The following SMG1 variants were observed in gnomAD, a reference collection of about 807,000 sequenced individuals.
SMG1 encodes the protein serine/threonine-protein kinase SMG1.
In SMG1, 22 loss-of-function variants were observed where a neutral mutation model predicts 419.9. The observed-to-expected ratio is 0.05, with a 90% CI of 0.04 to 0.07. SMG1 has a LOEUF of 0.07. SMG1 is among the 10% of genes least tolerant of loss of function. The pLI, the probability that SMG1 is intolerant of heterozygous loss-of-function variation, is 1.00. For missense variants in SMG1, 3,185 were observed against 4,342.0 expected (o/e 0.73, Z 7.49); for synonymous variants, 1,538 against 1,553.5 (o/e 0.99, Z 0.23).
At chr16:18,916,333 G>C (rs1252044558) in intron 1 of SMG1, among the ~76,000 whole-genome samples, 1 of 151,238 alleles carries the variant, frequency 6.6e-6, no homozygotes, top group Non-Finnish European at 1.5e-5. Flanking sequence ...GGCTAACATA[G>C]TGAAACCCCG....
intron 27 of SMG1, 175 bp downstream of exon 27, chr16:18,859,381 C>T (rs2035089552): frequency 2.8e-6 from 2 of 715,192 alleles, no homozygotes; most frequent in Non-Finnish European, 4.5e-6. Context: ...TCATTTCAAC[C>T]TCAGTTTATG....
chr16:18,827,184 T>C (rs1236719566), intron 55 of SMG1, among the ~76,000 whole-genome samples: 2 of 152,038 alleles, frequency 1.3e-5, no homozygotes, highest in African/African-American at 4.8e-5. Context: ...CCCAGTGTTT[T>C]GGGAGGCCAA....
rs1596557012 is a variant in SMG1, at chr16:18,869,742, T to C, written c.2633+112A>G. The C allele has an allele frequency of 1.1e-5, 9 of 841,858 alleles. No homozygotes were observed. The East Asian group carries it at 2.3e-4, about 22-fold the overall frequency. The allele number at this position is 841,858 out of a possible 1,614,324, so 52.1% of individuals were successfully genotyped here. On this transcript the variant is annotated intron_variant, in intron 19 of 62. Transcript: ENST00000446231. ...TAAAATAACCCATATGAGAAGAATG[T>C]TACTTGATACTCTGCCACCCCCAAA...
intron 1 of SMG1, among the ~76,000 whole-genome samples, chr16:18,918,157 G>A (rs1025836133): frequency 2.0e-5 from 3 of 152,074 alleles, no homozygotes; most frequent in African/African-American, 7.2e-5. Context: ...GAGCTACTTG[G>A]GAGGCTGAGG....
chr16:18,848,052 A>G lies in SMG1; in HGVS notation c.5624-19T>C. 5 of 1,590,880 alleles carry G rather than the reference A, an allele frequency of 3.1e-6. No individual in the cohort carries two copies. Among genetic ancestry groups the G allele is most frequent in the Non-Finnish European group, 4.3e-6 (5 of 1,159,674 alleles). On this transcript the variant is annotated intron_variant, in intron 36 of 62. Transcript: ENST00000446231. ...TTATTTCCTGTAATGAAATAGGAGA[A>G]CAAGGAATATTTTGAACATTTCTCC...
intron 25 of SMG1, among the ~76,000 whole-genome samples, chr16:18,862,484 C>A (rs191277741): frequency 3.6e-4 from 55 of 152,274 alleles, no homozygotes; most frequent in Middle Eastern, 6.8e-3. Flanking sequence ...TCCTTAGTTC[C>A]AAATCCAATT....
In SMG1 at chr16:18,842,202, T is replaced by A. The variant is rs781639847; in HGVS notation, c.6466+6A>T. 8.3e-5 allele frequency: 133 copies of A among 1,609,740 alleles called. No homozygotes were observed. The highest frequency in any genetic ancestry group is 1.1e-4 in the Non-Finnish European group (130 of 1,177,738). On this transcript the variant is annotated splice_donor_region_variant and intron_variant, in intron 40 of 62. Transcript: ENST00000446231. ...TCTGAAAAATGGAGGAAGTCTTAAA[T>A]CCTACCTTTGAAAAGATAAGGATAG...
intron 62 of SMG1, 107 bp downstream of exon 62, chr16:18,811,654 T>G: frequency 9.9e-7 from 1 of 1,010,306 alleles, no homozygotes; most frequent in Admixed American, 1.9e-5. Context: ...GAAAACACAT[T>G]TAAGTTCCTT....
intron 1 of SMG1, among the ~76,000 whole-genome samples, chr16:18,917,444 T>TA (rs1319179402): frequency 2.6e-5 from 4 of 151,290 alleles, no homozygotes; most frequent in African/African-American, 9.7e-5. Context: ...CCACCATACA[T>TA]ACACAGCCTT....
chr16:18,842,496 G>A, intron 39 of SMG1, 42 bp from the exon 40 acceptor site: 2 of 1,580,164 alleles, frequency 1.3e-6, no homozygotes, highest in Non-Finnish European at 1.7e-6. Context: ...CATTACATTA[G>A]AACACTTATT....
chr16:18,894,620 C>G (rs1328110214), intron 3 of SMG1, among the ~76,000 whole-genome samples: 2 of 139,952 alleles, frequency 1.4e-5, no homozygotes, highest in Non-Finnish European at 3.1e-5. Flanking sequence ...TATATACCAA[C>G]AATAAAAGCT....
chr16:18,816,070 A>G (rs2031975320), intron 58 of SMG1: 1 of 545,068 alleles, frequency 1.8e-6, no homozygotes, highest in Admixed American at 3.4e-5. Context: ...TTATATCACA[A>G]TAAAGGAATC....
At chr16:18,923,507 C>T (rs1199651233) in intron 1 of SMG1, among the ~76,000 whole-genome samples, 1 of 151,910 alleles carries the variant, frequency 6.6e-6, no homozygotes, top group African/African-American at 2.4e-5. Context: ...AGCTGGACGC[C>T]TGTAATCCCA....
intron 1 of SMG1, among the ~76,000 whole-genome samples, chr16:18,920,765 G>A (rs1039890692): frequency 1.3e-5 from 2 of 151,958 alleles, no homozygotes; most frequent in African/African-American, 4.8e-5. Context: ...TACTGAGCCT[G>A]GGAGGTGGAG....
At chr16:18,849,443 T>A in intron 35 of SMG1, 65 bp from the exon 36 acceptor site, 1 of 1,463,000 alleles carries the variant, frequency 6.8e-7, no homozygotes, top group Middle Eastern at 1.8e-4. Context: ...ACTATCAGCA[T>A]CGTAGATCAA....
rs1468627575 is a variant in SMG1, at chr16:18,808,034, T to A, written c.*1535A>T. On this transcript the variant is annotated 3_prime_UTR_variant, in exon 63 of 63. Coordinates refer to ENST00000446231, the MANE Select transcript of SMG1 (RefSeq NM_015092.5). ...CCTCGGCCTCCCAAAGTGCTGGGAT[T>A]ACAGGCGTGAGCCACTGTGCCCAGC... The A allele has an allele frequency of 6.6e-6, 1 of 152,338 alleles. No individual in the cohort carries two copies. The highest frequency in any genetic ancestry group is 1.5e-5 in the Non-Finnish European group (1 of 68,112). The allele number at this position is 152,338 out of a possible 1,614,324, so 9.4% of individuals were successfully genotyped here.
chr16:18,871,729 A>G (rs912701505), intron 15 of SMG1, among the ~76,000 whole-genome samples: 1 of 152,156 alleles, frequency 6.6e-6, no homozygotes, highest in African/African-American at 2.4e-5. Flanking sequence ...TGAGGTCAGG[A>G]GTTCAAGACC....
intron 29 of SMG1, among the ~76,000 whole-genome samples, chr16:18,855,279 T>C (rs1045437168): frequency 6.6e-6 from 1 of 152,204 alleles, no homozygotes; most frequent in Non-Finnish European, 1.5e-5. Flanking sequence ...TTTCTTCCTA[T>C]CTTGCTGAAG....
intron 1 of SMG1, among the ~76,000 whole-genome samples, chr16:18,922,802 G>A (rs1274418041): frequency 2.0e-5 from 3 of 151,912 alleles, no homozygotes; most frequent in Admixed American, 6.6e-5. Context: ...CTTAAATGTC[G>A]GGTGCGGTGG....
Sources: allele counts gnomAD v4.1 joint callset (sites outside exome capture counted in the v4.1 genomes callset), GRCh38; gene constraint gnomAD v4.1.1; transcripts MANE v1.5; gene names NCBI Gene and HGNC (gene_info 2026-07-23, HGNC 2026-07-21).